The following BMP5 variants were observed in gnomAD, a reference collection of about 807,000 sequenced individuals.
BMP5 encodes bone morphogenetic protein 5.
In BMP5, 23 loss-of-function variants were observed where a neutral mutation model predicts 46.6. That is an observed-to-expected ratio of 0.49 (90% CI 0.35 to 0.70). The LOEUF (loss-of-function observed/expected upper bound fraction) is 0.70. Ranked by LOEUF, BMP5 falls within the 30% of genes least tolerant of loss-of-function variation. The probability of loss-of-function intolerance (pLI) is 0.00; values close to 1 mark genes in which losing one functional copy is unlikely to be tolerated. For missense variants in BMP5, 545 were observed against 565.6 expected (o/e 0.96, Z 0.37); for synonymous variants, 204 against 191.9 (o/e 1.06, Z -0.52).
chr6:55,822,536 T>C (rs9475416), intron 1 of BMP5, among the ~76,000 whole-genome samples: 2,750 of 152,244 alleles, frequency 0.018, 80 homozygotes, highest in African/African-American at 0.062. Flanking sequence ...TAATTCTAAG[T>C]GATAACAACC....
At chr6:55,853,808 C>T (rs186139332) in intron 1 of BMP5, among the ~76,000 whole-genome samples, 3 of 152,042 alleles carry the variant, frequency 2.0e-5, no homozygotes, top group African/African-American at 4.8e-5. Context: ...AACTGAAGTA[C>T]GGTTATATTT....
At chr6:55,777,941 T>G (rs1775216060) in intron 3 of BMP5, among the ~76,000 whole-genome samples, 1 of 152,036 alleles carries the variant, frequency 6.6e-6, no homozygotes, top group African/African-American at 2.4e-5. Flanking sequence ...ATGAGAAGAA[T>G]GGCTTCTGAG....
intron 1 of BMP5, among the ~76,000 whole-genome samples, chr6:55,827,075 C>T (rs1287810350): frequency 2.0e-5 from 3 of 151,656 alleles, no homozygotes; most frequent in Non-Finnish European, 4.4e-5. Context: ...TTCCTTTTTC[C>T]TCTACCTTAA....
At chr6:55,828,220 T>C (rs1427817969) in intron 1 of BMP5, among the ~76,000 whole-genome samples, 1 of 151,780 alleles carries the variant, frequency 6.6e-6, no homozygotes, top group Non-Finnish European at 1.5e-5. Flanking sequence ...AGGTCAAAGG[T>C]TTTGTGAGTT....
At chr6:55,868,584 T>G (rs1341436052) in intron 1 of BMP5, among the ~76,000 whole-genome samples, 1 of 152,214 alleles carries the variant, frequency 6.6e-6, no homozygotes, top group African/African-American at 2.4e-5. Context: ...AGTATTTTTT[T>G]CTCTTTTTAA....
intron 1 of BMP5, among the ~76,000 whole-genome samples, chr6:55,846,373 T>C (rs540448380): frequency 8.3e-4 from 127 of 152,136 alleles, no homozygotes; most frequent in African/African-American, 3.0e-3. Context: ...AGACACATGG[T>C]AGTTGTTCAG....
intron 1 of BMP5, among the ~76,000 whole-genome samples, chr6:55,851,142 T>C (rs1777234690): frequency 6.8e-6 from 1 of 147,732 alleles, no homozygotes; most frequent in Admixed American, 6.7e-5. Flanking sequence ...TTTTGCTTTT[T>C]TTTTTTTTTT....
At chr6:55,776,165 A>C (rs901787081) in intron 3 of BMP5, among the ~76,000 whole-genome samples, 4 of 152,008 alleles carry the variant, frequency 2.6e-5, no homozygotes, top group Non-Finnish European at 4.4e-5. Context: ...GCCAGAGTCT[A>C]TATTTTTTAG....
In BMP5 at chr6:55,833,354, A is replaced by C. The variant is rs73744923; in HGVS notation, c.491-13507T>G. ...TGATGTGTGTTCACAGCCTCAAATAAGGCATGACTTTGAAAACATATCAAC... is the reference window on the plus strand; with the variant it reads ...TGATGTGTGTTCACAGCCTCAAATACGGCATGACTTTGAAAACATATCAAC... On this transcript the variant is annotated intron_variant, in intron 1 of 6. Coordinates refer to ENST00000370830, the MANE Select transcript of BMP5 (RefSeq NM_021073.4). Among the ~76,000 whole-genome samples the C allele has an allele frequency of 3.7e-3, 569 of 152,324 alleles. 2 individuals carry two copies. The highest frequency in any genetic ancestry group is 0.017 in the Middle Eastern group (5 of 294).
intron 3 of BMP5, among the ~76,000 whole-genome samples, chr6:55,786,727 TA>T: frequency 6.6e-6 from 1 of 151,698 alleles, no homozygotes; most frequent in African/African-American, 2.4e-5. Context: ...GAGCAAATCA[TA>T]AGTGTATATC....
At chr6:55,762,301 A>G (rs228137) in intron 4 of BMP5, among the ~76,000 whole-genome samples, 24,861 of 152,076 alleles carry the variant, frequency 0.16, 2,339 homozygotes, top group South Asian at 0.32. Context: ...TTCCTGTTTA[A>G]TTACTCTCAA....
chr6:55,817,301 G>A (rs1354444509), intron 2 of BMP5, among the ~76,000 whole-genome samples: 1 of 152,172 alleles, frequency 6.6e-6, no homozygotes, highest in East Asian at 1.9e-4. Flanking sequence ...ACATGCACAT[G>A]TATGTTTATT....
At chr6:55,844,824 A>G (rs886277789) in intron 1 of BMP5, among the ~76,000 whole-genome samples, 66 of 152,130 alleles carry the variant, frequency 4.3e-4, no homozygotes, top group African/African-American at 1.6e-3. Context: ...ATCTAGAAAA[A>G]AAGTAATAAT....
chr6:55,792,999 T>C (rs1400299537), intron 3 of BMP5, among the ~76,000 whole-genome samples: 2 of 152,114 alleles, frequency 1.3e-5, no homozygotes. Flanking sequence ...ACAATGTAGA[T>C]CTCCATGATG....
intron 2 of BMP5, among the ~76,000 whole-genome samples, chr6:55,798,921 A>G (rs1328539840): frequency 6.6e-6 from 1 of 152,206 alleles, no homozygotes; most frequent in African/African-American, 2.4e-5. Context: ...ACTAAAGACT[A>G]AACAGCAGGA....
Position 55,797,609 on chromosome 6 carries a change from C to CT in BMP5, c.684-3183dup, listed in dbSNP as rs1317753532. ...TCAGAATGGTGTTTGTGATTATTTT[C>CT]TTTTCTTTTTTTTTTTTTTTTTTTT... On this transcript the variant is annotated intron_variant, in intron 2 of 6. Transcript: ENST00000370830. Among the ~76,000 whole-genome samples the CT allele has an allele frequency of 4.3e-3, 584 of 134,402 alleles. 6 individuals carry two copies. Among genetic ancestry groups the CT allele is most frequent in the African/African-American group, 0.016 (550 of 35,250 alleles). 88.2% of individuals were successfully genotyped at this position (134,402 alleles called of 152,430 possible). A position where few individuals can be genotyped will look rare whatever the true frequency, so the allele number is the denominator to read the frequency against.
chr6:55,799,296 C>G (rs1368949808), intron 2 of BMP5, among the ~76,000 whole-genome samples: 1 of 152,032 alleles, frequency 6.6e-6, no homozygotes, highest in Non-Finnish European at 1.5e-5. Context: ...TCATTTTGAC[C>G]TATGAGTTTT....
At chr6:55,806,678 A>G (rs1422017307) in intron 2 of BMP5, among the ~76,000 whole-genome samples, 1 of 152,150 alleles carries the variant, frequency 6.6e-6, no homozygotes, top group Non-Finnish European at 1.5e-5. Context: ...CATTTTCATT[A>G]TATTGATTCT....
At chr6:55,788,849 T>C (rs996401918) in intron 3 of BMP5, among the ~76,000 whole-genome samples, 1 of 151,920 alleles carries the variant, frequency 6.6e-6, no homozygotes, top group Non-Finnish European at 1.5e-5. Context: ...CATTTAAATA[T>C]CAAAACTTTA....
Sources: gnomAD v4.1 joint callset for allele counts (sites outside exome capture counted in the v4.1 genomes callset) on GRCh38, gnomAD v4.1.1 for gene constraint, MANE v1.5 for transcripts, NCBI Gene and HGNC (gene_info 2026-07-23, HGNC 2026-07-21) for gene names.